Variants in HCN4 observed in about 807,000 individuals in gnomAD.
HCN4 encodes potassium/sodium hyperpolarization-activated cyclic nucleotide-gated channel 4.
A neutral mutation model predicts 76.9 loss-of-function variants in HCN4; 29 were observed. The observed-to-expected ratio is 0.38, with a 90% CI of 0.28 to 0.51. The LOEUF is 0.51. HCN4 is among the 20% of genes least tolerant of loss of function. The pLI, the probability that HCN4 is intolerant of heterozygous loss-of-function variation, is 0.90. For missense variants in HCN4, 1,416 were observed against 1,715.2 expected, an observed-to-expected ratio of 0.83 and a Z score of 3.08; for synonymous variants, 772 against 762.5, an observed-to-expected ratio of 1.01 and a Z score of -0.21.
At position 73,340,516 on chromosome 15, in the gene HCN4, T is replaced by C. The variant is rs1001218118; in HGVS notation, c.1209+2869A>G. Among the ~76,000 whole-genome samples the C allele has an allele frequency of 4.6e-5, 7 of 152,292 alleles. No homozygotes were observed. The East Asian group carries it at 9.7e-4, about 21-fold the overall frequency. On this transcript the variant is annotated intron_variant, in intron 2 of 7. Transcript: ENST00000261917. ...ACCAGGAGACAAGTGTGTCAGAGCA[T>C]GAGGGGAAACACGCCTCCATCTTTC...
chr15:73,368,229 G>A lies in HCN4; in HGVS notation c.42C>T (p.Ser14=). ...CCTTGGCCCCCACCTGCTGCGGGAG[G>A]CTGTAGAGCCGCTTGCGCATGGACG... The part of the protein sequence containing the change: ...LPPSMRKRLY[S]LPQQVGAKAW... Residue 14 remains serine, a synonymous_variant, in exon 1 of 8, where the codon AGC becomes AGT. Coordinates refer to ENST00000261917, the MANE Select transcript of HCN4 (RefSeq NM_005477.3). This position sits in a 1 kb window ranked among gnomAD's most constrained non-coding sequence, Gnocchi z 6.9. The A allele has an allele frequency of 3.3e-6, 5 of 1,519,168 alleles. No homozygotes were observed. The highest frequency in any genetic ancestry group is 4.4e-6 in the Non-Finnish European group (5 of 1,135,836). 94.1% of individuals were successfully genotyped at this position (1,519,168 alleles called of 1,614,324 possible). A position where few individuals can be genotyped will look rare whatever the true frequency, so the allele number is the denominator to read the frequency against.
In HCN4 at chr15:73,324,165, G is replaced by A. The variant is rs763532462; in HGVS notation, c.2067C>T (p.Phe689=). 6.2e-7 allele frequency: 1 copy of A among 1,614,098 alleles called. No homozygotes were observed. The highest frequency in any genetic ancestry group is 1.3e-5 in the African/African-American group (1 of 75,054). The change falls in exon 7 of 8, where the codon TTC becomes TTT. Residue 689 remains phenylalanine, a synonymous_variant. Coordinates refer to ENST00000261917, the MANE Select transcript of HCN4 (RefSeq NM_005477.3). ...TGGGGTACTCCTCCAGCACCTCATTGAAGTTGTCCACGCTCAGCGAGTAGA... is the reference window on the plus strand; with the variant it reads ...TGGGGTACTCCTCCAGCACCTCATTAAAGTTGTCCACGCTCAGCGAGTAGA... ...CRLYSLSVDN[F]NEVLEEYPMM...
chr15:73,366,961 G>T (rs978161242), intron 1 of HCN4, among the ~76,000 whole-genome samples: 1 of 152,198 alleles, frequency 6.6e-6, no homozygotes, highest in Admixed American at 6.5e-5. Flanking sequence ...TTTTCATCCC[G>T]GCCTGAGGCC....
chr15:73,346,986 C>G (rs959899559), intron 1 of HCN4, among the ~76,000 whole-genome samples: 1 of 152,224 alleles, frequency 6.6e-6, no homozygotes, highest in African/African-American at 2.4e-5. Flanking sequence ...AGCTTCTACA[C>G]TGGCATCCTC....
Position 73,323,254 on chromosome 15 carries a change from C to T in HCN4, c.2839G>A (p.Gly947Arg), listed in dbSNP as rs753524680. 21 of 1,520,892 alleles carry T rather than the reference C, an allele frequency of 1.4e-5. No individual in the cohort carries two copies. Among genetic ancestry groups the T allele is most frequent in the Admixed American group, 6.3e-5 (3 of 47,954 alleles). The allele number at this position is 1,520,892 out of a possible 1,614,324, so 94.2% of individuals were successfully genotyped here. A position where few individuals can be genotyped will look rare whatever the true frequency, so the allele number is the denominator to read the frequency against. The change falls in exon 8 of 8, where the codon GGG becomes AGG. Residue 947 changes from glycine (G) to arginine (R), a missense_variant. By Grantham distance (125) the Gly-to-Arg change is moderately radical (BLOSUM62 -2). Coordinates refer to ENST00000261917, the MANE Select transcript of HCN4 (RefSeq NM_005477.3). ...GGGAGTCCCAGGCCTCCCCGGGCCC[C>T]GGGTGGCGCGGGAGATGGCTGGGCA... ...QAAQPSPAPP[G>R]ARGGLGLPEH...
intron 1 of HCN4, among the ~76,000 whole-genome samples, chr15:73,345,509 C>A (rs2151221709): frequency 6.6e-6 from 1 of 152,278 alleles, no homozygotes; most frequent in Middle Eastern, 3.4e-3. Flanking sequence ...TCCTCAGCTT[C>A]ACACTTTACT....
At chr15:73,364,962 G>C (rs1338027695) in intron 1 of HCN4, among the ~76,000 whole-genome samples, 1 of 152,210 alleles carries the variant, frequency 6.6e-6, no homozygotes, top group Admixed American at 6.5e-5. Flanking sequence ...CAGTTCTGCT[G>C]GATCAATGCT....
chr15:73,368,651 T>A lies in HCN4; in HGVS notation c.-381A>T, dbSNP rs1014687928. On this transcript the variant is annotated 5_prime_UTR_variant, in exon 1 of 8. Coordinates refer to ENST00000261917, the MANE Select transcript of HCN4 (RefSeq NM_005477.3). The surrounding 1 kb of genome is among the most constrained non-coding windows in gnomAD (Gnocchi z 6.9). ...GCGGCCGCGGCGCTCAGGGAACCGC[T>A]CCGGAGTGCAGAGCGCACGGCCCGC... 2 of 155,526 alleles carry A rather than the reference T, an allele frequency of 1.3e-5. No homozygotes were observed. Among genetic ancestry groups the A allele is most frequent in the Non-Finnish European group, 2.8e-5 (2 of 70,758 alleles). The allele number at this position is 155,526 out of a possible 1,614,324, so 9.6% of individuals were successfully genotyped here.
Position 73,358,196 on chromosome 15 carries a change from C to T in HCN4, c.785+9290G>A, listed in dbSNP as rs189177774. On this transcript the variant is annotated intron_variant, in intron 1 of 7. Coordinates refer to ENST00000261917, the MANE Select transcript of HCN4 (RefSeq NM_005477.3). Reference sequence around the variant, plus strand: ...GACCCAGGGCTCTGGGGCGGGCCGGCCCCCACACTGCAGGAAGCCAGGCCC... The same window carrying T: ...GACCCAGGGCTCTGGGGCGGGCCGGTCCCCACACTGCAGGAAGCCAGGCCC... 1.6e-3 allele frequency among the ~76,000 whole-genome samples: 238 copies of T among 152,314 alleles called. 1 individual carries two copies. Among genetic ancestry groups the T allele is most frequent in the Admixed American group, 2.4e-3 (37 of 15,298 alleles).
rs1321225445 is a variant in HCN4, at chr15:73,323,920, C to T, written c.2173G>A (p.Val725Ile). The T allele has an allele frequency of 1.2e-6, 2 of 1,604,250 alleles. No homozygotes were observed. The highest frequency in any genetic ancestry group is 2.2e-5 in the East Asian group (1 of 44,876). ...GKKNSILLHKVQHDLNSGVFN... is the reference protein window; with the variant it reads ...GKKNSILLHKIQHDLNSGVFN... The stretch of plus-strand genomic sequence containing the variant: ...ACGCCGGAGTTGAGGTCGTGCTGGA[C>T]TTTGTGGAGGAGGATGGAGTTCTTC... Residue 725 changes from valine (V) to isoleucine (I), a missense_variant, in exon 8 of 8, where the codon GTC becomes ATC. Val to Ile is a conservative substitution (Grantham distance 29). Coordinates refer to ENST00000261917, the MANE Select transcript of HCN4 (RefSeq NM_005477.3).
At position 73,362,797 on chromosome 15, in the gene HCN4, G is replaced by A. The variant is rs529862577; in HGVS notation, c.785+4689C>T. Among the ~76,000 whole-genome samples the A allele has an allele frequency of 3.3e-5, 5 of 152,334 alleles. No individual in the cohort carries two copies. In the South Asian group the frequency reaches 1.0e-3, roughly 32 times the overall value. On this transcript the variant is annotated intron_variant, in intron 1 of 7. Transcript: ENST00000261917. Reference sequence around the variant, plus strand: ...GGAACCAGTGTGGCAGGGCCAAGCAGGGGAGAAGGTAACCCCCATCCTTAC... The same window carrying A: ...GGAACCAGTGTGGCAGGGCCAAGCAAGGGAGAAGGTAACCCCCATCCTTAC...
chr15:73,329,809 G>GGTCT lies in HCN4; in HGVS notation c.1372-19_1372-18insAGAC. The GGTCT allele has an allele frequency of 6.2e-7, 1 of 1,601,076 alleles. No individual in the cohort carries two copies. Among genetic ancestry groups the GGTCT allele is most frequent in the Non-Finnish European group, 8.5e-7 (1 of 1,169,910 alleles). On this transcript the variant is annotated intron_variant, in intron 3 of 7. Transcript: ENST00000261917. ...GAGTTGTTCTGTGGACAGACGGATG[G>GGTCT]GTGGGGACAGTGGATGAGAGGGAAG...
At chr15:73,361,267 T>A (rs1053945221) in intron 1 of HCN4, among the ~76,000 whole-genome samples, 1 of 152,144 alleles carries the variant, frequency 6.6e-6, no homozygotes, top group African/African-American at 2.4e-5. Context: ...CCACCTCAGA[T>A]CCGAGTGGGT....
In HCN4 at chr15:73,322,799, C is replaced by A; in HGVS notation, c.3294G>T (p.Ala1098=). The change falls in exon 8 of 8, where the codon GCG becomes GCT. Residue 1098 remains alanine (A), a synonymous_variant. Coordinates refer to ENST00000261917, the MANE Select transcript of HCN4 (RefSeq NM_005477.3). ...GCGGGGAGGCTCTGCGGAGAGTCTG[C>A]GCCCCGTCCTGAGGCAGGGCTGGCT... The part of the protein sequence containing the change: ...ASQPALPQDG[A]QTLRRASPHS... 1 of 1,541,048 alleles carries A rather than the reference C, an allele frequency of 6.5e-7. No individual in the cohort carries two copies.
rs1459039632 is a variant in HCN4, at chr15:73,368,005, G to A, written c.266C>T (p.Thr89Met). ...GPARGAGKSS[T>M]NGDCRRFRGS... is the part of the protein sequence containing the mutation. ...GCGGAAGCGCCTGCAGTCGCCGTTC[G>A]TGCTGGACTTGCCCGCGCCGCGGGC... is the stretch of plus-strand genomic sequence containing the variant. The change falls in exon 1 of 8, where the codon ACG becomes ATG. Residue 89 changes from threonine to methionine, a missense_variant. Coordinates refer to ENST00000261917, the MANE Select transcript of HCN4 (RefSeq NM_005477.3). The surrounding 1 kb of genome is among the most constrained non-coding windows in gnomAD (Gnocchi z 6.9). The A allele has an allele frequency of 3.6e-6, 5 of 1,408,384 alleles. No individual in the cohort carries two copies. The highest frequency in any genetic ancestry group is 1.5e-5 in the South Asian group (1 of 66,020). 87.2% of individuals were successfully genotyped at this position (1,408,384 alleles called of 1,614,324 possible).
At chr15:73,342,816 A>C (rs1164255340) in intron 2 of HCN4, among the ~76,000 whole-genome samples, 1 of 152,236 alleles carries the variant, frequency 6.6e-6, no homozygotes, top group African/African-American at 2.4e-5. Context: ...ATAATGCTAT[A>C]GATCTAGCAA....
chr15:73,361,505 A>G (rs764506572), intron 1 of HCN4, among the ~76,000 whole-genome samples: 15 of 152,190 alleles, frequency 9.9e-5, no homozygotes, highest in Non-Finnish European at 1.6e-4. Flanking sequence ...TAGCCCTTCT[A>G]TTAATTAGCA....
rs2042865358 is a variant in HCN4 at position 73,322,485 on chromosome 15, A to G, written c.3608T>C (p.Leu1203Pro). 1 of 1,590,682 alleles carries G rather than the reference A, an allele frequency of 6.3e-7. No individual in the cohort carries two copies. Among genetic ancestry groups the G allele is most frequent in the Non-Finnish European group, 8.6e-7 (1 of 1,167,998 alleles). The change falls in exon 8 of 8, where the codon CTA becomes CCA. Residue 1203 changes from leucine to proline, a missense_variant. Physicochemically the swap from Leu to Pro is moderately conservative, Grantham distance 98. Coordinates refer to ENST00000261917, the MANE Select transcript of HCN4 (RefSeq NM_005477.3). ...AGAGGGAAGGAAGGGCCCAGCTCATAGATTGGATGGCAGTTTGGAGCGCAC... is the reference window on the plus strand; with the variant it reads ...AGAGGGAAGGAAGGGCCCAGCTCATGGATTGGATGGCAGTTTGGAGCGCAC... ...EPVRSKLPSN[L>P]
Position 73,343,664 on chromosome 15 carries a change from C to A in HCN4, c.930G>T (p.Leu310Phe). The A allele has an allele frequency of 6.2e-7, 1 of 1,614,052 alleles. No homozygotes were observed. Among genetic ancestry groups the A allele is most frequent in the Non-Finnish European group, 8.5e-7 (1 of 1,180,018 alleles). The change falls in exon 2 of 8, where the codon TTG becomes TTT. Residue 310 changes from leucine to phenylalanine, a missense_variant. This residue lies in a region of HCN4 where 52 missense variants were observed against 129.1 expected (regional missense o/e 0.40). Coordinates refer to ENST00000261917, the MANE Select transcript of HCN4 (RefSeq NM_005477.3). This position sits in a 1 kb window ranked among gnomAD's most constrained non-coding sequence, Gnocchi z 5.7. Reference sequence around the variant, plus strand: ...CGATCCCTGTGCGGAAGTTGAGGACCAAGTCGATGAGGAAGAATGTGTCTG... The same window carrying A: ...CGATCCCTGTGCGGAAGTTGAGGACAAAGTCGATGAGGAAGAATGTGTCTG... The part of the protein sequence containing the change: ...VVSDTFFLID[L>F]VLNFRTGIVV...
Sources: gnomAD v4.1 joint callset for allele counts (sites outside exome capture counted in the v4.1 genomes callset) on GRCh38, gnomAD v4.1.1 for gene constraint, gnomAD v4.1.1 regional missense constraint, Gnocchi (gnomAD v3.1) non-coding constraint, MANE v1.5 for transcripts, NCBI Gene and HGNC (gene_info 2026-07-23, HGNC 2026-07-21) for gene names.